CCDC50: variants seen among roughly 807,000 people sequenced by gnomAD.
CCDC50 encodes the protein coiled-coil domain containing 50.
A neutral mutation model predicts 70.2 loss-of-function variants in CCDC50; 54 were observed. That is an observed-to-expected ratio of 0.77 (90% CI 0.62 to 0.96). CCDC50 has a LOEUF of 0.96. Among genes scored for constraint, CCDC50 ranks in the 50% least tolerant of loss-of-function variants. The pLI is 0.00. For synonymous variants in CCDC50, 216 were observed against 198.8 expected (o/e 1.09, Z -0.73); for missense variants, 558 against 578.7 (o/e 0.96, Z 0.37).
intron 4 of CCDC50, among the ~76,000 whole-genome samples, chr3:191,362,671 C>G (rs1228390062): frequency 6.6e-6 from 1 of 152,150 alleles, no homozygotes; most frequent in Non-Finnish European, 1.5e-5. Flanking sequence ...CACTTATGAT[C>G]ATCATGTTAA....
At chr3:191,354,953 A>C (rs1712230036) in intron 1 of CCDC50, among the ~76,000 whole-genome samples, 1 of 152,146 alleles carries the variant, frequency 6.6e-6, no homozygotes. Context: ...AAATGTCTGT[A>C]TGTATTCAGT....
chr3:191,376,274 A>G (rs1313771217), intron 6 of CCDC50, among the ~76,000 whole-genome samples: 2 of 152,176 alleles, frequency 1.3e-5, no homozygotes, highest in Admixed American at 6.6e-5. Flanking sequence ...GTTACTTTTT[A>G]TGCTGTAACT....
rs116760365 is a variant in CCDC50, at chr3:191,396,110, G to A, written c.*4350G>A. The stretch of plus-strand genomic sequence containing the variant: ...TCATTAGAAATGCTGAAATTTAATT[G>A]TAGAGAAGTCAAGAAAGAAAGAGTA... On this transcript the variant is annotated 3_prime_UTR_variant, in exon 12 of 12. Transcript: ENST00000392455. 6.6e-6 allele frequency: 1 copy of A among 152,142 alleles called. No individual in the cohort carries two copies. The highest frequency in any genetic ancestry group is 2.4e-5 in the African/African-American group (1 of 41,420). The allele number at this position is 152,142 out of a possible 1,614,324, so 9.4% of individuals were successfully genotyped here.
rs1351663487 is a variant in CCDC50 at position 191,358,258 on chromosome 3, G to C, written c.239+134G>C. ...CTGTTAGATTACAAATCTTACCCTG[G>C]ATGTCTAACAGTTTTTTTGATTTGA... On this transcript the variant is annotated intron_variant, in intron 3 of 11. Coordinates refer to ENST00000392455, the MANE Select transcript of CCDC50 (RefSeq NM_178335.3). 6.0e-6 allele frequency: 7 copies of C among 1,163,100 alleles called. No homozygotes were observed. In the African/African-American group the frequency reaches 6.2e-5, roughly 10 times the overall value. 72.0% of individuals were successfully genotyped at this position (1,163,100 alleles called of 1,614,324 possible). A position where few individuals can be genotyped will look rare whatever the true frequency, so the allele number is the denominator to read the frequency against.
rs564463895 is a variant in CCDC50 at position 191,361,465 on chromosome 3, A to T, written c.330+306A>T. On this transcript the variant is annotated intron_variant, in intron 4 of 11. Coordinates refer to ENST00000392455, the MANE Select transcript of CCDC50 (RefSeq NM_178335.3). The stretch of plus-strand genomic sequence containing the variant: ...TTATTGTCTTAGAGTTCTGGAGGCT[A>T]GAAGTCTAAAATCTGAAGTGTTGGC... Among the ~76,000 whole-genome samples, 15 of 152,338 alleles carry T rather than the reference A, an allele frequency of 9.8e-5. No homozygotes were observed. The South Asian group carries it at 3.1e-3, about 32-fold the overall frequency.
At chr3:191,386,885 G>A (rs1206047711) in intron 10 of CCDC50, among the ~76,000 whole-genome samples, 1 of 152,122 alleles carries the variant, frequency 6.6e-6, no homozygotes, top group Non-Finnish European at 1.5e-5. Flanking sequence ...CTTGTAACTG[G>A]AAAAAATTTC....
chr3:191,365,153 C>CT (rs79930291), intron 4 of CCDC50, among the ~76,000 whole-genome samples: 8 of 149,120 alleles, frequency 5.4e-5, no homozygotes, highest in Non-Finnish European at 7.5e-5. Flanking sequence ...TAAGGAAAAA[C>CT]TTTTTTTTTT....
intron 6 of CCDC50, 69 bp downstream of exon 6, chr3:191,375,658 A>C: frequency 6.7e-7 from 1 of 1,500,490 alleles, no homozygotes; most frequent in Non-Finnish European, 9.1e-7. Context: ...GAATTTAATA[A>C]GTACCTTAAG....
chr3:191,357,858 TTA>T lies in CCDC50; in HGVS notation c.113-134_113-133del, dbSNP rs878880469. 7.8e-5 allele frequency: 81 copies of T among 1,034,384 alleles called. No homozygotes were observed. In the South Asian group the frequency reaches 1.0e-3, roughly 13 times the overall value. The allele number at this position is 1,034,384 out of a possible 1,614,324, so 64.1% of individuals were successfully genotyped here. Reference sequence around the variant, plus strand: ...GGGGATAATAATTCCTTGCTCTTTATTATATATTGTTGTTGAGACAATAAAAT... The same window carrying T: ...GGGGATAATAATTCCTTGCTCTTTATTATATTGTTGTTGAGACAATAAAAT... On this transcript the variant is annotated intron_variant, in intron 2 of 11. Coordinates refer to ENST00000392455, the MANE Select transcript of CCDC50 (RefSeq NM_178335.3).
intron 9 of CCDC50, among the ~76,000 whole-genome samples, chr3:191,381,791 A>G (rs935686978): frequency 5.9e-5 from 9 of 152,100 alleles, no homozygotes; most frequent in African/African-American, 2.2e-4. Context: ...TATTCCTTAC[A>G]CAGTTGGTGT....
chr3:191,380,117 C>G (rs758635697), intron 6 of CCDC50, 42 bp from the exon 7 acceptor site: 3 of 1,243,670 alleles, frequency 2.4e-6, no homozygotes, highest in South Asian at 2.7e-5. Context: ...AGAAAACATC[C>G]TCGGTTGTTT....
At chr3:191,389,652 G>T in intron 11 of CCDC50, 50 bp downstream of exon 11, 1 of 1,371,782 alleles carries the variant, frequency 7.3e-7, no homozygotes, top group Admixed American at 1.7e-5. Context: ...TTTTATATAA[G>T]CCTCGTGTTG....
chr3:191,374,665 A>C (rs550491778), intron 5 of CCDC50, among the ~76,000 whole-genome samples: 98 of 152,266 alleles, frequency 6.4e-4, no homozygotes, highest in South Asian at 1.0e-3. Context: ...ACAAAGCTTA[A>C]TTTTTTTGTT....
At chr3:191,338,468 G>A (rs1711594943) in intron 1 of CCDC50, among the ~76,000 whole-genome samples, 1 of 152,156 alleles carries the variant, frequency 6.6e-6, no homozygotes, top group Admixed American at 6.5e-5. Flanking sequence ...TGGGCCGGTA[G>A]CTCTTTTGGA....
intron 1 of CCDC50, among the ~76,000 whole-genome samples, chr3:191,331,580 T>G (rs1384385402): frequency 6.6e-6 from 1 of 152,222 alleles, no homozygotes; most frequent in African/African-American, 2.4e-5. Context: ...CAATTAAATA[T>G]TAATTTTGAA....
rs10580681 is a variant in CCDC50, at chr3:191,329,975, AGTAG to A, written c.49+255_49+258del. Reference sequence around the variant, plus strand: ...GGGGGGGCTAGCAGCAGCCCCAGCAAGTAGGTGGCTGTGCCCGTGTTCTCGTGCA... The same window carrying A: ...GGGGGGGCTAGCAGCAGCCCCAGCAAGTGGCTGTGCCCGTGTTCTCGTGCA... On this transcript the variant is annotated intron_variant, in intron 1 of 11. Transcript: ENST00000392455. Among the ~76,000 whole-genome samples, 32,574 of 144,054 alleles carry A rather than the reference AGTAG, an allele frequency of 0.23. 4,770 individuals carry two copies. Among genetic ancestry groups the A allele is most frequent in the East Asian group, 0.67 (3,094 of 4,618 alleles). 94.5% of individuals were successfully genotyped at this position (144,054 alleles called of 152,430 possible). A position where few individuals can be genotyped will look rare whatever the true frequency, so the allele number is the denominator to read the frequency against.
intron 1 of CCDC50, among the ~76,000 whole-genome samples, chr3:191,332,382 G>T (rs1718019505): frequency 6.6e-6 from 1 of 152,222 alleles, no homozygotes; most frequent in African/African-American, 2.4e-5. Context: ...GAGTTCATAT[G>T]TAGGTGAAAA....
rs1713080381 is a variant in CCDC50, at chr3:191,375,554, CAG to C, written c.946_947del (p.Ser316Ter). On this transcript the variant is annotated frameshift_variant, in exon 6 of 12. Transcript: ENST00000392455. LOFTEE classifies it high-confidence loss of function. ...CACAGGCCCAGGACTCCTCCATTCT[CAG>C]AGAGTGAGGAGCAGCTCCACCTCCA... 2 of 1,613,178 alleles carry C rather than the reference CAG, an allele frequency of 1.2e-6. No homozygotes were observed. The highest frequency in any genetic ancestry group is 1.7e-5 in the Admixed American group (1 of 59,874).
chr3:191,338,556 G>T (rs1711596912), intron 1 of CCDC50, among the ~76,000 whole-genome samples: 1 of 152,132 alleles, frequency 6.6e-6, no homozygotes, highest in South Asian at 2.1e-4. Flanking sequence ...AATTCTGTCA[G>T]TGATTGCTGG....
Sources: gnomAD v4.1 joint callset for allele counts (sites outside exome capture counted in the v4.1 genomes callset) on GRCh38, gnomAD v4.1.1 for gene constraint, MANE v1.5 for transcripts, NCBI Gene and HGNC (gene_info 2026-07-23, HGNC 2026-07-21) for gene names.